The following ASAP1 variants were observed in gnomAD, a reference collection of about 807,000 sequenced individuals.
ASAP1 encodes the protein ArfGAP with SH3 domain, ankyrin repeat and PH domain 1, also known as arf-GAP with SH3 domain, ANK repeat and PH domain-containing protein 1.
A neutral mutation model predicts 145.2 loss-of-function variants in ASAP1; 43 were observed. That is an observed-to-expected ratio of 0.30 (90% CI 0.23 to 0.38). The LOEUF is 0.38. Ranked by LOEUF, ASAP1 falls within the 10% of genes least tolerant of loss-of-function variation. The pLI, the probability that ASAP1 is intolerant of heterozygous loss-of-function variation, is 1.00. For missense variants in ASAP1, 1,018 were observed against 1,355.3 expected (o/e 0.75, Z 3.91); for synonymous variants, 546 against 515.5 (o/e 1.06, Z -0.80).
chr8:130,388,375 G>A (rs1828121421), intron 2 of ASAP1, among the ~76,000 whole-genome samples: 1 of 152,192 alleles, frequency 6.6e-6, no homozygotes, highest in African/African-American at 2.4e-5. Flanking sequence ...AAGCAGGGGT[G>A]CAGCATGAGC....
intron 3 of ASAP1, among the ~76,000 whole-genome samples, chr8:130,245,499 A>G (rs1299655432): frequency 6.6e-6 from 1 of 152,152 alleles, no homozygotes; most frequent in African/African-American, 2.4e-5. Context: ...AAAATTTAAC[A>G]TACCACCTTC....
chr8:130,227,433 T>A (rs1436871305), intron 4 of ASAP1, among the ~76,000 whole-genome samples: 1 of 151,968 alleles, frequency 6.6e-6, no homozygotes, highest in Non-Finnish European at 1.5e-5. Flanking sequence ...TTTTTTTGTA[T>A]TTTTTGCAGA....
intron 3 of ASAP1, among the ~76,000 whole-genome samples, chr8:130,352,964 T>C (rs1476891832): frequency 3.9e-5 from 6 of 152,176 alleles, no homozygotes; most frequent in Admixed American, 1.3e-4. Flanking sequence ...AGGCTGCATT[T>C]TTTGAGGGCA....
chr8:130,239,383 T>C (rs1175492688), intron 3 of ASAP1, among the ~76,000 whole-genome samples: 1 of 152,166 alleles, frequency 6.6e-6, no homozygotes, highest in Non-Finnish European at 1.5e-5. Flanking sequence ...ATTCTTATTA[T>C]ATCCATTTTA....
chr8:130,101,882 T>A (rs1480911336), intron 24 of ASAP1, among the ~76,000 whole-genome samples: 2 of 152,046 alleles, frequency 1.3e-5, no homozygotes, highest in African/African-American at 4.8e-5. Context: ...TTTTTCTTGA[T>A]TTTTTAAAGC....
chr8:130,176,554 G>T (rs1313205792), intron 9 of ASAP1, among the ~76,000 whole-genome samples: 1 of 152,004 alleles, frequency 6.6e-6, no homozygotes, highest in Admixed American at 6.6e-5. Context: ...CTGACCTAGG[G>T]GACATTCGTC....
chr8:130,142,890 G>A (rs902729788), intron 13 of ASAP1, among the ~76,000 whole-genome samples: 1 of 152,110 alleles, frequency 6.6e-6, no homozygotes, highest in African/African-American at 2.4e-5. Flanking sequence ...TGGGGGGGCA[G>A]TTGGTGGGAA....
At chr8:130,072,793 ATGTG>A (rs1206526066) in intron 27 of ASAP1, among the ~76,000 whole-genome samples, 8 of 102,602 alleles carry the variant, frequency 7.8e-5, no homozygotes, top group Non-Finnish European at 1.0e-4. Flanking sequence ...TGCAATTGAT[ATGTG>A]TGTGTGTGTG....
At chr8:130,306,907 T>C (rs1490727068) in intron 3 of ASAP1, among the ~76,000 whole-genome samples, 1 of 152,208 alleles carries the variant, frequency 6.6e-6, no homozygotes, top group East Asian at 1.9e-4. Flanking sequence ...ACATGTTTCC[T>C]TCACTCCACC....
At position 130,092,048 on chromosome 8, in the gene ASAP1, C is replaced by G. The variant is rs1425941577; in HGVS notation, c.2497G>C (p.Gly833Arg). Residue 833 changes from glycine (G) to arginine (R), a missense_variant, in exon 25 of 30, where the codon GGA (glycine) becomes CGA (arginine). Gly to Arg is a moderately radical substitution (Grantham distance 125, BLOSUM62 -2). Coordinates refer to ENST00000518721, the MANE Select transcript of ASAP1 (RefSeq NM_018482.4). ...SKKRPPPPPP[G>R]HKRTLSDPPS... is the part of the protein sequence containing the mutation. ...GGGTCGGATAGGGTTCTCTTGTGTC[C>G]GGGTGGTGGGGGAGGAGGCCTCTTC... 5.7e-6 allele frequency: 9 copies of G among 1,573,842 alleles called. No homozygotes were observed. Among genetic ancestry groups the G allele is most frequent in the Non-Finnish European group, 7.7e-6 (9 of 1,164,648 alleles).
rs551194213 is a variant in ASAP1 at position 130,415,689 on chromosome 8, T to C, written c.-27-13719A>G. Among the ~76,000 whole-genome samples the C allele has an allele frequency of 7.3e-5, 11 of 149,848 alleles. No individual in the cohort carries two copies. The East Asian group carries it at 2.0e-3, about 27-fold the overall frequency. ...TGTAATCCCACCTACTCGGGAGGCT[T>C]AGGCAGGAGAATTGCTTGAACCCAG... On this transcript the variant is annotated intron_variant, in intron 1 of 29. Coordinates refer to ENST00000518721, the MANE Select transcript of ASAP1 (RefSeq NM_018482.4).
At chr8:130,064,421 C>T (rs915506446) in intron 27 of ASAP1, among the ~76,000 whole-genome samples, 1 of 152,158 alleles carries the variant, frequency 6.6e-6, no homozygotes, top group African/African-American at 2.4e-5. Flanking sequence ...AAGAATGACA[C>T]TGCCTTTAAC....
chr8:130,149,639 T>C (rs1296814574), intron 13 of ASAP1, among the ~76,000 whole-genome samples: 1 of 152,214 alleles, frequency 6.6e-6, no homozygotes, highest in Non-Finnish European at 1.5e-5. Context: ...AGAATTTCCA[T>C]GTGTCCCAAA....
chr8:130,071,638 G>C (rs1188662345), intron 27 of ASAP1, among the ~76,000 whole-genome samples: 1 of 152,146 alleles, frequency 6.6e-6, no homozygotes, highest in Non-Finnish European at 1.5e-5. Flanking sequence ...CAACTCAAAA[G>C]AGTCTCAGGG....
At chr8:130,412,026 G>A (rs999706215) in intron 1 of ASAP1, among the ~76,000 whole-genome samples, 5 of 152,178 alleles carry the variant, frequency 3.3e-5, no homozygotes, top group South Asian at 2.1e-4. Context: ...CAGGTACCAC[G>A]CAGGCCCTGT....
At chr8:130,365,300 T>G (rs1003686998) in intron 2 of ASAP1, among the ~76,000 whole-genome samples, 5 of 152,228 alleles carry the variant, frequency 3.3e-5, no homozygotes, top group Non-Finnish European at 5.9e-5. Flanking sequence ...CCCTGTAGGC[T>G]TTTTCTTCTC....
At chr8:130,300,190 A>AGAGAGC (rs1206469856) in intron 3 of ASAP1, among the ~76,000 whole-genome samples, 1 of 148,270 alleles carries the variant, frequency 6.7e-6, no homozygotes, top group African/African-American at 2.5e-5. Flanking sequence ...AGAGAGAGCG[A>AGAGAGC]GCGAGCGAGC....
intron 2 of ASAP1, among the ~76,000 whole-genome samples, chr8:130,391,965 T>C (rs1828305476): frequency 6.6e-6 from 1 of 152,164 alleles, no homozygotes; most frequent in Non-Finnish European, 1.5e-5. Flanking sequence ...ACAAAGACCA[T>C]CTTTATTTTT....
intron 3 of ASAP1, among the ~76,000 whole-genome samples, chr8:130,338,065 A>G (rs927468265): frequency 6.6e-6 from 1 of 152,220 alleles, no homozygotes; most frequent in African/African-American, 2.4e-5. Flanking sequence ...CTTGCCCTAG[A>G]TCACATATTT....
Sources: gnomAD v4.1 joint callset for allele counts (sites outside exome capture counted in the v4.1 genomes callset) on GRCh38, gnomAD v4.1.1 for gene constraint, MANE v1.5 for transcripts, NCBI Gene and HGNC (gene_info 2026-07-23, HGNC 2026-07-21) for gene names.